Variants in FCHSD2 observed in about 807,000 individuals in gnomAD.
FCHSD2 encodes FCH and double SH3 domains 2.
A neutral mutation model predicts 108.1 loss-of-function variants in FCHSD2; 38 were observed. That is an observed-to-expected ratio of 0.35 (90% CI 0.27 to 0.46). The LOEUF (loss-of-function observed/expected upper bound fraction) is 0.46. Among genes scored for constraint, FCHSD2 ranks in the 20% least tolerant of loss-of-function variants. The pLI, the probability that FCHSD2 is intolerant of heterozygous loss-of-function variation, is 1.00. For synonymous variants in FCHSD2, 279 were observed against 314.7 expected (o/e 0.89, Z 1.20); for missense variants, 751 against 897.8 (o/e 0.84, Z 2.09).
intron 8 of FCHSD2, among the ~76,000 whole-genome samples, chr11:72,956,153 G>A (rs1395691809): frequency 6.6e-6 from 1 of 152,134 alleles, no homozygotes; most frequent in Non-Finnish European, 1.5e-5. Context: ...TAAATAGTAA[G>A]AGTAACAAAT....
At chr11:73,137,767 C>T (rs1345144278) in intron 2 of FCHSD2, among the ~76,000 whole-genome samples, 1 of 152,120 alleles carries the variant, frequency 6.6e-6, no homozygotes, top group Admixed American at 6.5e-5. Context: ...ATGTAGAGTG[C>T]ACAGTTAGAC....
intron 4 of FCHSD2, among the ~76,000 whole-genome samples, chr11:73,012,970 T>C (rs906006687): frequency 3.9e-5 from 6 of 152,202 alleles, no homozygotes; most frequent in Non-Finnish European, 7.4e-5. Context: ...TGATGAGGAA[T>C]TAAATTCCTG....
At chr11:73,126,624 C>T (rs1325085987) in intron 2 of FCHSD2, among the ~76,000 whole-genome samples, 2 of 151,424 alleles carry the variant, frequency 1.3e-5, no homozygotes, top group African/African-American at 4.9e-5. Context: ...TGTTAAATAT[C>T]TGTTATGCTT....
intron 8 of FCHSD2, among the ~76,000 whole-genome samples, chr11:72,978,859 T>C (rs1042301540): frequency 6.9e-6 from 1 of 145,572 alleles, no homozygotes; most frequent in Non-Finnish European, 1.5e-5. Flanking sequence ...TCTTTCTTTT[T>C]TTTTTTTTTT....
At chr11:72,977,974 T>C (rs921841433) in intron 8 of FCHSD2, among the ~76,000 whole-genome samples, 1 of 152,172 alleles carries the variant, frequency 6.6e-6, no homozygotes, top group Non-Finnish European at 1.5e-5. Flanking sequence ...TGGAATACTA[T>C]GCAGTCATAA....
At chr11:72,944,662 G>A (rs1856484841) in intron 8 of FCHSD2, among the ~76,000 whole-genome samples, 2 of 152,140 alleles carry the variant, frequency 1.3e-5, no homozygotes, top group South Asian at 2.1e-4. Flanking sequence ...CATTGTCTCA[G>A]CTCAAAATCT....
intron 3 of FCHSD2, among the ~76,000 whole-genome samples, chr11:73,025,351 G>A (rs1169605633): frequency 2.0e-5 from 3 of 152,116 alleles, no homozygotes; most frequent in Non-Finnish European, 2.9e-5. Context: ...AACATGGATG[G>A]AGCTGGAGGC....
At position 72,849,874 on chromosome 11, in the gene FCHSD2, C is replaced by T. The variant is rs778603874; in HGVS notation, c.1324G>A (p.Glu442Lys). 68 of 1,613,386 alleles carry T rather than the reference C, an allele frequency of 4.2e-5. No homozygotes were observed. Among genetic ancestry groups the T allele is most frequent in the Middle Eastern group, 1.6e-4 (1 of 6,082 alleles). The change falls in exon 14 of 20, where the codon GAA becomes AAA. Residue 442 changes from glutamate (E) to lysine (K), a missense_variant. Physicochemically the swap from Glu to Lys is moderately conservative, Grantham distance 56. Coordinates refer to ENST00000409418, the MANE Select transcript of FCHSD2 (RefSeq NM_014824.3). ...GTLHSLNADT[E>K]REEGEEFEDN... The stretch of plus-strand genomic sequence containing the variant: ...TCAAACTCTTCGCCTTCTTCTCTTT[C>T]GGTATCTGCATTAAGCTAAGAAAAA...
chr11:72,936,960 C>T (rs6592498), intron 8 of FCHSD2, among the ~76,000 whole-genome samples: 151,871 of 152,338 alleles, frequency 1, 75,703 homozygotes, highest in Middle Eastern at 1. Context: ...CTCCTTTTAT[C>T]CCTGTGTATG....
At chr11:72,945,015 A>G (rs1224368863) in intron 8 of FCHSD2, among the ~76,000 whole-genome samples, 1 of 152,224 alleles carries the variant, frequency 6.6e-6, no homozygotes, top group Non-Finnish European at 1.5e-5. Flanking sequence ...TCATCAAGCT[A>G]CCAATGACTT....
chr11:72,877,466 A>AT (rs1480499347), intron 12 of FCHSD2, among the ~76,000 whole-genome samples: 1 of 152,056 alleles, frequency 6.6e-6, no homozygotes, highest in Non-Finnish European at 1.5e-5. Flanking sequence ...GCTTTGGGTC[A>AT]TTTTCCAGCT....
intron 19 of FCHSD2, among the ~76,000 whole-genome samples, chr11:72,839,497 C>T (rs1376973746): frequency 6.6e-6 from 1 of 152,044 alleles, no homozygotes; most frequent in African/African-American, 2.4e-5. Context: ...TTGACAATAG[C>T]CCAAACGAGG....
intron 8 of FCHSD2, among the ~76,000 whole-genome samples, chr11:72,965,562 A>C (rs4329714): frequency 6.6e-6 from 1 of 152,210 alleles, no homozygotes; most frequent in Non-Finnish European, 1.5e-5. Flanking sequence ...CAATATTTTC[A>C]TGTATTTATT....
intron 3 of FCHSD2, among the ~76,000 whole-genome samples, chr11:73,048,599 A>C (rs1402436315): frequency 2.0e-5 from 3 of 152,216 alleles, no homozygotes; most frequent in Non-Finnish European, 4.4e-5. Flanking sequence ...CATCTGAAGT[A>C]GTTACCTGGG....
chr11:72,999,708 A>T (rs1402724554), intron 5 of FCHSD2, among the ~76,000 whole-genome samples: 4 of 152,200 alleles, frequency 2.6e-5, no homozygotes, highest in Non-Finnish European at 5.9e-5. Flanking sequence ...AGAGGTAGTT[A>T]AACTCTCTAA....
At chr11:72,980,055 G>A (rs1857183160) in intron 8 of FCHSD2, among the ~76,000 whole-genome samples, 1 of 152,130 alleles carries the variant, frequency 6.6e-6, no homozygotes, top group Admixed American at 6.5e-5. Context: ...CTTTAGACAG[G>A]AACAACTGCT....
At chr11:72,976,994 C>T (rs376103099) in intron 8 of FCHSD2, among the ~76,000 whole-genome samples, 10 of 151,144 alleles carry the variant, frequency 6.6e-5, no homozygotes, top group Non-Finnish European at 8.8e-5. Context: ...GGCATGATCT[C>T]GGCACACTGT....
At chr11:73,115,014 A>C (rs1004095525) in intron 2 of FCHSD2, among the ~76,000 whole-genome samples, 1 of 152,174 alleles carries the variant, frequency 6.6e-6, no homozygotes, top group African/African-American at 2.4e-5. Flanking sequence ...TTGGAGTCCT[A>C]GTGTCTTAGA....
chr11:72,925,894 C>T (rs1011660578), intron 8 of FCHSD2, among the ~76,000 whole-genome samples: 3 of 152,324 alleles, frequency 2.0e-5, no homozygotes, highest in African/African-American at 4.8e-5. Context: ...TCCTGGTCTA[C>T]GGAGCAGGCA....
Sources: allele counts gnomAD v4.1 joint callset (sites outside exome capture counted in the v4.1 genomes callset), GRCh38; gene constraint gnomAD v4.1.1; transcripts MANE v1.5; gene names NCBI Gene and HGNC (gene_info 2026-07-23, HGNC 2026-07-21).